The following FARP1 variants were observed in gnomAD, a reference collection of about 807,000 sequenced individuals.
FARP1 encodes FERM, ARH/RhoGEF and pleckstrin domain protein 1, also known as FERM, ARHGEF and pleckstrin domain-containing protein 1.
In FARP1, 52 loss-of-function variants were observed where a neutral mutation model predicts 128.8. That is an observed-to-expected ratio of 0.40 (90% CI 0.32 to 0.51). The LOEUF (loss-of-function observed/expected upper bound fraction) is 0.51. Among genes scored for constraint, FARP1 ranks in the 20% least tolerant of loss-of-function variants. FARP1 has a pLI of 0.45. For synonymous variants in FARP1, 580 were observed against 551.8 expected (o/e 1.05, Z -0.72); for missense variants, 1,333 against 1,367.9 (o/e 0.97, Z 0.40).
chr13:98,206,892 T>C (rs1880304907), intron 1 of FARP1, among the ~76,000 whole-genome samples: 1 of 152,242 alleles, frequency 6.6e-6, no homozygotes, highest in South Asian at 2.1e-4. Context: ...ATTTTGACTA[T>C]TCCTCAAGAA....
chr13:98,392,225 C>G (rs1269384710), intron 11 of FARP1, among the ~76,000 whole-genome samples: 1 of 150,866 alleles, frequency 6.6e-6, no homozygotes, highest in Non-Finnish European at 1.5e-5. Flanking sequence ...TGGCACATGC[C>G]TGTAATCCCA....
intron 1 of FARP1, among the ~76,000 whole-genome samples, chr13:98,152,559 G>C (rs79909667): frequency 0.16 from 23,971 of 152,158 alleles, 2,389 homozygotes; most frequent in Middle Eastern, 0.26. Context: ...TTTAGATCTT[G>C]CGCACCTGGA....
intron 1 of FARP1, among the ~76,000 whole-genome samples, chr13:98,153,452 A>C (rs576357744): frequency 7.8e-6 from 1 of 127,926 alleles, no homozygotes; most frequent in South Asian, 2.5e-4. Flanking sequence ...TGTATAATAT[A>C]TAATACATTA....
intron 19 of FARP1, 23 bp from the exon 20 acceptor site, chr13:98,438,781 C>T (rs1279097653): frequency 1.9e-6 from 3 of 1,608,462 alleles, no homozygotes; most frequent in Non-Finnish European, 1.7e-6. Flanking sequence ...CGCAGCCAGC[C>T]CTCCGGTCTG....
At chr13:98,352,365 G>A (rs1888471377) in intron 3 of FARP1, among the ~76,000 whole-genome samples, 1 of 152,170 alleles carries the variant, frequency 6.6e-6, no homozygotes, top group Admixed American at 6.5e-5. Context: ...CAGGGCTGGA[G>A]CAGCTGTGCT....
intron 5 of FARP1, 123 bp from the exon 6 acceptor site, chr13:98,377,698 C>G: frequency 1.5e-6 from 1 of 676,974 alleles, no homozygotes; most frequent in East Asian, 2.6e-5. Flanking sequence ...GGAATCCGTT[C>G]CAGCCCATGC....
intron 1 of FARP1, among the ~76,000 whole-genome samples, chr13:98,147,384 T>A (rs1315092599): frequency 1.3e-5 from 2 of 152,064 alleles, no homozygotes; most frequent in Non-Finnish European, 2.9e-5. Flanking sequence ...AATTCATCAT[T>A]TACACTGAAT....
At chr13:98,254,104 C>T (rs368926804) in intron 2 of FARP1, among the ~76,000 whole-genome samples, 5 of 152,150 alleles carry the variant, frequency 3.3e-5, no homozygotes, top group Admixed American at 1.3e-4. Context: ...TCTGAGTTTC[C>T]GGGCAAAGTG....
chr13:98,370,139 G>T (rs1889264699), intron 5 of FARP1, among the ~76,000 whole-genome samples: 1 of 152,230 alleles, frequency 6.6e-6, no homozygotes, highest in African/African-American at 2.4e-5. Flanking sequence ...TCAGGCTGGT[G>T]GGTCTGGGAT....
intron 2 of FARP1, among the ~76,000 whole-genome samples, chr13:98,264,331 T>C (rs1332084714): frequency 6.6e-6 from 1 of 152,170 alleles, no homozygotes; most frequent in African/African-American, 2.4e-5. Flanking sequence ...AATTCCTAGG[T>C]TTTAAATTGC....
At chr13:98,245,178 AC>A (rs780343065) in intron 2 of FARP1, 12 of 990,468 alleles carry the variant, frequency 1.2e-5, no homozygotes, top group Non-Finnish European at 1.4e-5. Context: ...TAAAAGGAGT[AC>A]CTCATTTACC....
At chr13:98,436,511 C>T (rs1359299383) in intron 19 of FARP1, among the ~76,000 whole-genome samples, 2 of 152,244 alleles carry the variant, frequency 1.3e-5, no homozygotes, top group Non-Finnish European at 2.9e-5. Context: ...CTGCTTTGAT[C>T]TGCTGCTGCA....
chr13:98,435,210 CT>C (rs1405035655), intron 18 of FARP1, among the ~76,000 whole-genome samples: 1 of 152,092 alleles, frequency 6.6e-6, no homozygotes, highest in Non-Finnish European at 1.5e-5. Flanking sequence ...CTCACTGTGC[CT>C]TGTTCTTTCC....
At chr13:98,253,544 TGAG>T (rs1362302992) in intron 2 of FARP1, among the ~76,000 whole-genome samples, 2 of 152,182 alleles carry the variant, frequency 1.3e-5, no homozygotes, top group African/African-American at 4.8e-5. Context: ...ATTTGTGAAA[TGAG>T]GATGATGGTC....
intron 1 of FARP1, among the ~76,000 whole-genome samples, chr13:98,182,522 T>C (rs984448708): frequency 1.4e-4 from 22 of 152,126 alleles, no homozygotes; most frequent in Admixed American, 1.3e-4. Context: ...AGACTGAGTC[T>C]CGCCATATTG....
chr13:98,283,309 G>A (rs1315695819), intron 2 of FARP1, among the ~76,000 whole-genome samples: 2 of 152,156 alleles, frequency 1.3e-5, no homozygotes, highest in Admixed American at 6.5e-5. Flanking sequence ...CAAATTTAAG[G>A]TCAAGAAAGA....
chr13:98,432,654 T>C (rs1892077936), intron 18 of FARP1: 1 of 152,226 alleles, frequency 6.6e-6, no homozygotes, highest in Admixed American at 6.5e-5. Flanking sequence ...TAAAAATCCA[T>C]CTTCTTACAC....
chr13:98,379,023 A>T lies in FARP1; in HGVS notation c.496+1105A>T, dbSNP rs1478061995. Reference sequence around the variant, plus strand: ...TATATACAATATATAATCTATATATAATATATATAATATATACAATATGTA... The same window carrying T: ...TATATACAATATATAATCTATATATTATATATATAATATATACAATATGTA... On this transcript the variant is annotated intron_variant, in intron 6 of 26. Transcript: ENST00000319562. Among the ~76,000 whole-genome samples, 16 of 75,720 alleles carry T rather than the reference A, an allele frequency of 2.1e-4. 5 individuals carry two copies. The highest frequency in any genetic ancestry group is 5.7e-4 in the East Asian group (2 of 3,498). The allele number at this position is 75,720 out of a possible 152,430, so 49.7% of individuals were successfully genotyped here.
chr13:98,168,266 A>G (rs542868945), intron 1 of FARP1, among the ~76,000 whole-genome samples: 1 of 152,306 alleles, frequency 6.6e-6, no homozygotes, highest in African/African-American at 2.4e-5. Context: ...ACTGCATCAT[A>G]AGCTTTGTGG....
Sources: gnomAD v4.1 joint callset for allele counts (sites outside exome capture counted in the v4.1 genomes callset) on GRCh38, gnomAD v4.1.1 for gene constraint, MANE v1.5 for transcripts, NCBI Gene and HGNC (gene_info 2026-07-23, HGNC 2026-07-21) for gene names.